Variants in ARL3 observed in about 807,000 individuals in gnomAD.
ARL3 encodes the protein ARF like GTPase 3, also known as ADP-ribosylation factor-like protein 3.
ARL3 carries 9 observed loss-of-function variants against 26.0 expected under a neutral mutation model. That is an observed-to-expected ratio of 0.35 (90% CI 0.21 to 0.60). The LOEUF is 0.60. Ranked by LOEUF, ARL3 falls within the 20% of genes least tolerant of loss-of-function variation. The pLI is 0.78. For synonymous variants in ARL3, 71 were observed against 78.4 expected (o/e 0.91, Z 0.50); for missense variants, 158 against 215.7 (o/e 0.73, Z 1.67).
chr10:102,685,306 A>G (rs2064177650), intron 5 of ARL3, among the ~76,000 whole-genome samples: 2 of 151,136 alleles, frequency 1.3e-5, no homozygotes, highest in African/African-American at 4.9e-5. Context: ...ACAGTTCCTC[A>G]GTACAAAGCA....
Position 102,686,525 on chromosome 10 carries a change from G to A in ARL3, c.316-524C>T, listed in dbSNP as rs149566846. ...GTCGCCCAGGCTGGAGTGCAGTGGC[G>A]CAATCCCGGCTCACTGCAACCTTTC... On this transcript the variant is annotated intron_variant, in intron 4 of 5. Coordinates refer to ENST00000260746, the MANE Select transcript of ARL3 (RefSeq NM_004311.4). Among the ~76,000 whole-genome samples the A allele has an allele frequency of 2.1e-3, 315 of 148,192 alleles. 3 individuals are homozygous for A. The highest frequency in any genetic ancestry group is 7.5e-3 in the African/African-American group (300 of 39,864).
At chr10:102,706,259 G>A (rs985411623) in intron 1 of ARL3, among the ~76,000 whole-genome samples, 4 of 152,114 alleles carry the variant, frequency 2.6e-5, no homozygotes, top group Admixed American at 6.5e-5. Flanking sequence ...AGACCATCCT[G>A]GCTAACACGG....
At chr10:102,692,075 T>G (rs1343112583) in intron 3 of ARL3, among the ~76,000 whole-genome samples, 1 of 152,198 alleles carries the variant, frequency 6.6e-6, no homozygotes, top group Admixed American at 6.5e-5. Context: ...GTGAACCGAT[T>G]TTTGCTGGAT....
intron 2 of ARL3, 51 bp downstream of exon 2, chr10:102,705,295 T>A (rs371858668): frequency 3.5e-4 from 523 of 1,505,008 alleles, no homozygotes; most frequent in Non-Finnish European, 4.5e-4. Flanking sequence ...TTCACATTGC[T>A]ATTATCGTCT....
intron 4 of ARL3, among the ~76,000 whole-genome samples, chr10:102,686,299 A>G (rs1165719471): frequency 2.0e-5 from 3 of 151,426 alleles, no homozygotes; most frequent in Admixed American, 6.6e-5. Context: ...CTAGAACTGC[A>G]CACCTCAGGT....
At chr10:102,704,728 C>T (rs938541200) in intron 2 of ARL3, among the ~76,000 whole-genome samples, 5 of 152,068 alleles carry the variant, frequency 3.3e-5, no homozygotes, top group Non-Finnish European at 7.3e-5. Flanking sequence ...CACACAAACA[C>T]ACACATGTGT....
chr10:102,700,747 C>T (rs944055449), intron 2 of ARL3, among the ~76,000 whole-genome samples: 6 of 146,786 alleles, frequency 4.1e-5, no homozygotes, highest in African/African-American at 1.5e-4. Flanking sequence ...TACAGGCATG[C>T]GCCACTGTGC....
At chr10:102,682,903 G>A (rs2064162620) in intron 5 of ARL3, among the ~76,000 whole-genome samples, 1 of 152,076 alleles carries the variant, frequency 6.6e-6, no homozygotes, top group South Asian at 2.1e-4. Flanking sequence ...TGGGGAGGTG[G>A]GGTGGGGTAG....
intron 1 of ARL3, among the ~76,000 whole-genome samples, chr10:102,710,769 T>A (rs563576256): frequency 2.0e-5 from 3 of 152,322 alleles, no homozygotes; most frequent in Admixed American, 2.0e-4. Flanking sequence ...TGGGCAGAAG[T>A]GGTCTGACTC....
intron 5 of ARL3, among the ~76,000 whole-genome samples, chr10:102,683,850 A>AT (rs1186260565): frequency 6.6e-6 from 1 of 151,880 alleles, no homozygotes; most frequent in Non-Finnish European, 1.5e-5. Context: ...ATGACAGGAG[A>AT]TCCCTCTCTA....
intron 5 of ARL3, among the ~76,000 whole-genome samples, chr10:102,681,536 G>A (rs1405697009): frequency 2.0e-5 from 3 of 152,146 alleles, no homozygotes; most frequent in South Asian, 2.1e-4. Flanking sequence ...ACAGCTCGGC[G>A]CTCGGACTGC....
At chr10:102,712,843 C>G (rs905694790) in intron 1 of ARL3, among the ~76,000 whole-genome samples, 1 of 151,892 alleles carries the variant, frequency 6.6e-6, no homozygotes, top group Admixed American at 6.6e-5. Flanking sequence ...GGACAGCTCA[C>G]GTATAAATGA....
intron 3 of ARL3, 90 bp downstream of exon 3, chr10:102,699,283 A>C (rs2064265451): frequency 3.6e-6 from 3 of 833,160 alleles, no homozygotes; most frequent in Non-Finnish European, 6.2e-6. Context: ...ATGGTGGTGG[A>C]ATTACTGACA....
At chr10:102,682,348 T>G (rs942842415) in intron 5 of ARL3, among the ~76,000 whole-genome samples, 1 of 152,140 alleles carries the variant, frequency 6.6e-6, no homozygotes, top group African/African-American at 2.4e-5. Flanking sequence ...AATCATACAA[T>G]GGGCTGGCTT....
At chr10:102,693,509 T>C (rs552873021) in intron 3 of ARL3, among the ~76,000 whole-genome samples, 1 of 152,350 alleles carries the variant, frequency 6.6e-6, no homozygotes, top group East Asian at 1.9e-4. Flanking sequence ...GTTCAGATCT[T>C]TTGCCCATTT....
intron 1 of ARL3, among the ~76,000 whole-genome samples, chr10:102,706,724 G>A (rs1034582815): frequency 1.3e-5 from 2 of 152,044 alleles, no homozygotes; most frequent in Non-Finnish European, 2.9e-5. Context: ...AGGCTGGAGT[G>A]CAGTGGTGCA....
At chr10:102,700,787 T>G (rs1395485603) in intron 2 of ARL3, among the ~76,000 whole-genome samples, 6 of 145,474 alleles carry the variant, frequency 4.1e-5, no homozygotes, top group Non-Finnish European at 7.6e-5. Flanking sequence ...TTTTTTTTTT[T>G]TTTGCAGAGT....
At chr10:102,700,207 G>A (rs910773873) in intron 2 of ARL3, among the ~76,000 whole-genome samples, 1 of 151,994 alleles carries the variant, frequency 6.6e-6, no homozygotes, top group Non-Finnish European at 1.5e-5. Context: ...TCAGGAGTTC[G>A]AGATCAGCCT....
At chr10:102,707,411 C>T (rs1019255283) in intron 1 of ARL3, among the ~76,000 whole-genome samples, 9 of 151,700 alleles carry the variant, frequency 5.9e-5, no homozygotes, top group African/African-American at 2.2e-4. Context: ...TTGTTCTGTG[C>T]TATAGCTGAT....
Sources: allele counts gnomAD v4.1 joint callset (sites outside exome capture counted in the v4.1 genomes callset), GRCh38; gene constraint gnomAD v4.1.1; transcripts MANE v1.5; gene names NCBI Gene and HGNC (gene_info 2026-07-23, HGNC 2026-07-21).